CHL1: variants seen among roughly 807,000 people sequenced by gnomAD.
CHL1 encodes cell adhesion molecule L1 like, also known as neural cell adhesion molecule L1-like protein.
A neutral mutation model predicts 141.9 loss-of-function variants in CHL1; 96 were observed. The observed-to-expected ratio is 0.68, with a 90% confidence interval of 0.57 to 0.80. CHL1 has a LOEUF of 0.80. Among genes scored for constraint, CHL1 ranks in the 30% least tolerant of loss-of-function variants. The pLI, the probability that CHL1 is intolerant of heterozygous loss-of-function variation, is 0.00. For missense variants in CHL1, 1,820 were observed against 1,457.2 expected (o/e 1.25, Z -4.05); for synonymous variants, 613 against 502.2 (o/e 1.22, Z -2.95).
chr3:278,318 C>A (rs1223347226), intron 2 of CHL1, among the ~76,000 whole-genome samples: 3 of 152,192 alleles, frequency 2.0e-5, no homozygotes, highest in Non-Finnish European at 4.4e-5. Context: ...CCACTGAAAT[C>A]ATTTACTAGT....
At chr3:292,515 G>C (rs1420405345) in intron 2 of CHL1, among the ~76,000 whole-genome samples, 1 of 152,190 alleles carries the variant, frequency 6.6e-6, no homozygotes, top group Non-Finnish European at 1.5e-5. Flanking sequence ...TAATTAGTAA[G>C]TTGGATTCAC....
intron 23 of CHL1, among the ~76,000 whole-genome samples, chr3:393,798 T>C (rs1267883833): frequency 6.6e-6 from 1 of 152,184 alleles, no homozygotes; most frequent in African/African-American, 2.4e-5. Context: ...TGATTTCACC[T>C]CCTTCTTTCC....
chr3:314,482 C>T (rs2125006313), intron 2 of CHL1, among the ~76,000 whole-genome samples: 1 of 151,542 alleles, frequency 6.6e-6, no homozygotes, highest in East Asian at 1.9e-4. Context: ...ATAAAGGAAA[C>T]ATTTATTATT....
chr3:245,393 G>A (rs1693070310), intron 2 of CHL1, among the ~76,000 whole-genome samples: 1 of 152,118 alleles, frequency 6.6e-6, no homozygotes, highest in Non-Finnish European at 1.5e-5. Context: ...CTGCCTACAG[G>A]TGCAGCCTAA....
chr3:352,129 G>A (rs1703320378), intron 10 of CHL1, among the ~76,000 whole-genome samples: 1 of 152,050 alleles, frequency 6.6e-6, no homozygotes, highest in Non-Finnish European at 1.5e-5. Context: ...AAATGTTTTT[G>A]CATTTTCAAA....
At chr3:211,278 A>G (rs1003129068) in intron 1 of CHL1, among the ~76,000 whole-genome samples, 1 of 152,200 alleles carries the variant, frequency 6.6e-6, no homozygotes, top group East Asian at 1.9e-4. Context: ...CGGGCTGCAG[A>G]GCTCCTATAC....
At chr3:403,052 A>G (rs1286647096) in intron 27 of CHL1, among the ~76,000 whole-genome samples, 1 of 152,180 alleles carries the variant, frequency 6.6e-6, no homozygotes, top group African/African-American at 2.4e-5. Context: ...GGTTTCATCT[A>G]AAGTTTCAGC....
rs71058760 is a variant in CHL1 at position 252,361 on chromosome 3, GATATATATATAT to G, written c.-95+7698_-95+7709del. 2.0e-3 allele frequency among the ~76,000 whole-genome samples: 107 copies of G among 54,290 alleles called. 2 individuals are homozygous for G. In the Middle Eastern group the frequency reaches 0.074, roughly 37 times the overall value. 35.6% of individuals were successfully genotyped at this position (54,290 alleles called of 152,430 possible). ...AGCCACAGATTTAAGAAAGCATCCA[GATATATATATAT>G]ATATATATATATATATATATATATA... On this transcript the variant is annotated intron_variant, in intron 2 of 27. Transcript: ENST00000256509.
rs551703090 is a variant in CHL1 at position 324,665 on chromosome 3, G to A, written c.92-1294G>A. Among the ~76,000 whole-genome samples the A allele has an allele frequency of 6.0e-5, 9 of 151,236 alleles. No individual in the cohort carries two copies. The South Asian group carries it at 1.9e-3, about 31-fold the overall frequency. Reference sequence around the variant, plus strand: ...TATTTATTTTTACTTTTATGAAAGAGTCTCACTCTGTCACCCAGGCTCAAG... The same window carrying A: ...TATTTATTTTTACTTTTATGAAAGAATCTCACTCTGTCACCCAGGCTCAAG... On this transcript the variant is annotated intron_variant, in intron 3 of 27. Coordinates refer to ENST00000256509, the MANE Select transcript of CHL1 (RefSeq NM_006614.4).
At chr3:337,877 G>A (rs922754244) in intron 5 of CHL1, among the ~76,000 whole-genome samples, 4 of 152,014 alleles carry the variant, frequency 2.6e-5, no homozygotes, top group South Asian at 4.2e-4. Context: ...TAATCCTTTG[G>A]GTATATACCC....
At chr3:361,662 A>G (rs9846775) in intron 12 of CHL1, 37 bp from the exon 13 acceptor site, 1,441,885 of 1,449,882 alleles carry the variant, frequency 0.99, 717,271 homozygotes, top group East Asian at 1. Flanking sequence ...TTTCTTCCAC[A>G]AAAGTTTAAA....
chr3:287,772 G>GT (rs763394695), intron 2 of CHL1, among the ~76,000 whole-genome samples: 243 of 145,850 alleles, frequency 1.7e-3, no homozygotes, highest in Middle Eastern at 3.5e-3. Context: ...GTCTTTTTTT[G>GT]TTTTTTTTTT....
In CHL1 at chr3:377,925, C is replaced by G; in HGVS notation, c.1859C>G (p.Thr620Ser). ...HTALDSAADI[T>S]QVTVLDVPDP... ...GCTCTAGACAGTGCTGCCGATATAA[C>G]TCAAGTAACTGTTCTTGGTAAGTGC... The change falls in exon 16 of 28, where the codon ACT becomes AGT. Residue 620 changes from threonine (T) to serine (S), a missense_variant. By Grantham distance (58) the Thr-to-Ser change is moderately conservative. Coordinates refer to ENST00000256509, the MANE Select transcript of CHL1 (RefSeq NM_006614.4). 10 of 1,607,968 alleles carry G rather than the reference C, an allele frequency of 6.2e-6. No homozygotes were observed. Among genetic ancestry groups the G allele is most frequent in the Non-Finnish European group, 8.5e-6 (10 of 1,178,026 alleles).
Position 231,321 on chromosome 3 carries a change from C to A in CHL1, c.-174-13292C>A, listed in dbSNP as rs138477648. ...CCTCCTTCCTCTCCTCTCTTTTTTA[C>A]GTTAACACCACCACCCTCATCATTA... On this transcript the variant is annotated intron_variant, in intron 1 of 27. Coordinates refer to ENST00000256509, the MANE Select transcript of CHL1 (RefSeq NM_006614.4). Among the ~76,000 whole-genome samples the A allele has an allele frequency of 1.7e-3, 265 of 152,064 alleles. 2 individuals carry two copies. The highest frequency in any genetic ancestry group is 6.0e-3 in the African/African-American group (249 of 41,476).
intron 11 of CHL1, among the ~76,000 whole-genome samples, chr3:355,087 T>C (rs951319519): frequency 6.6e-6 from 1 of 152,142 alleles, no homozygotes; most frequent in Admixed American, 6.5e-5. Context: ...ATTGTTCCTG[T>C]CCCTGAGAAG....
At chr3:281,699 A>G (rs1696670965) in intron 2 of CHL1, among the ~76,000 whole-genome samples, 1 of 151,886 alleles carries the variant, frequency 6.6e-6, no homozygotes, top group Admixed American at 6.6e-5. Context: ...AGCTGGGATT[A>G]CAGGCACATG....
At chr3:243,265 C>G (rs989416253) in intron 1 of CHL1, among the ~76,000 whole-genome samples, 1 of 152,164 alleles carries the variant, frequency 6.6e-6, no homozygotes, top group African/African-American at 2.4e-5. Context: ...ATGCTGGACA[C>G]AGCAACATGG....
intron 2 of CHL1, among the ~76,000 whole-genome samples, chr3:271,520 C>T (rs759872764): frequency 3.0e-4 from 45 of 152,138 alleles, no homozygotes; most frequent in South Asian, 6.2e-4. Flanking sequence ...ACTCATATTA[C>T]ATGAGGTATC....
At chr3:236,888 C>CAA (rs10665933) in intron 1 of CHL1, among the ~76,000 whole-genome samples, 75,034 of 141,976 alleles carry the variant, frequency 0.53, 20,727 homozygotes, top group Non-Finnish European at 0.61. Context: ...ACTTTTAGGG[C>CAA]AAAAAAAAAA....
Sources: gnomAD v4.1 joint callset for allele counts (sites outside exome capture counted in the v4.1 genomes callset) on GRCh38, gnomAD v4.1.1 for gene constraint, MANE v1.5 for transcripts, NCBI Gene and HGNC (gene_info 2026-07-23, HGNC 2026-07-21) for gene names.